Variants in CACNA1E observed in about 807,000 individuals in gnomAD.
CACNA1E encodes the protein calcium voltage-gated channel subunit alpha1 E.
Under a neutral mutation model 259.2 loss-of-function variants are expected in CACNA1E, and 40 were observed. That is an observed-to-expected ratio of 0.15 (90% CI 0.12 to 0.20). The LOEUF is 0.20. Among genes scored for constraint, CACNA1E ranks in the 10% least tolerant of loss-of-function variants. The pLI is 1.00. For missense variants in CACNA1E, 1,874 were observed against 3,040.1 expected (o/e 0.62, Z 9.02); for synonymous variants, 1,104 against 1,138.5 (o/e 0.97, Z 0.61).
intron 3 of CACNA1E, among the ~76,000 whole-genome samples, chr1:181,558,166 C>G (rs867294364): frequency 8.5e-5 from 13 of 152,306 alleles, no homozygotes; most frequent in Non-Finnish European, 1.8e-4. Context: ...GAGAGGGTTA[C>G]TTTGTGTAGC....
chr1:181,528,102 G>C (rs538257753), intron 3 of CACNA1E, among the ~76,000 whole-genome samples: 36 of 149,332 alleles, frequency 2.4e-4, no homozygotes, highest in Non-Finnish European at 4.6e-4. Flanking sequence ...ATCTCAACTT[G>C]TTGTATCTCC....
intron 7 of CACNA1E, among the ~76,000 whole-genome samples, chr1:181,659,008 G>A (rs550817579): frequency 3.0e-4 from 46 of 152,090 alleles, no homozygotes; most frequent in African/African-American, 9.6e-4. Context: ...TCCTTAGAGT[G>A]GGGGTTTAGT....
intron 6 of CACNA1E, among the ~76,000 whole-genome samples, chr1:181,645,684 C>T (rs970494011): frequency 1.3e-5 from 2 of 152,182 alleles, no homozygotes; most frequent in Non-Finnish European, 2.9e-5. Context: ...TGACCACACT[C>T]CAGAGTTAAA....
intron 6 of CACNA1E, among the ~76,000 whole-genome samples, chr1:181,623,705 G>A (rs1295458274): frequency 6.6e-6 from 1 of 152,146 alleles, no homozygotes; most frequent in East Asian, 1.9e-4. Flanking sequence ...TATTAAGTGT[G>A]CAATAACATC....
At chr1:181,333,125 T>C (rs1651414020) in intron 1 of CACNA1E, among the ~76,000 whole-genome samples, 1 of 152,120 alleles carries the variant, frequency 6.6e-6, no homozygotes, top group African/African-American at 2.4e-5. Context: ...TCATCAGCTG[T>C]GGGCCCAGAC....
intron 2 of CACNA1E, among the ~76,000 whole-genome samples, chr1:181,463,860 A>C (rs1661976047): frequency 6.6e-6 from 1 of 152,050 alleles, no homozygotes; most frequent in African/African-American, 2.4e-5. Flanking sequence ...TCTCTCATTA[A>C]AAAATTCCTT....
chr1:181,328,621 A>G (rs1052595744), intron 1 of CACNA1E, among the ~76,000 whole-genome samples: 1 of 152,222 alleles, frequency 6.6e-6, no homozygotes, highest in Non-Finnish European at 1.5e-5. Flanking sequence ...AGAAGTAGCC[A>G]CCAAGATGGG....
At chr1:181,545,940 C>T (rs571994345) in intron 3 of CACNA1E, among the ~76,000 whole-genome samples, 2 of 152,130 alleles carry the variant, frequency 1.3e-5, no homozygotes, top group East Asian at 1.9e-4. Flanking sequence ...TGGAGCATCA[C>T]GTGTGCCTCT....
intron 1 of CACNA1E, among the ~76,000 whole-genome samples, chr1:181,376,156 A>C (rs946865279): frequency 6.6e-6 from 1 of 152,210 alleles, no homozygotes; most frequent in South Asian, 2.1e-4. Context: ...CTGTAGGAAG[A>C]ATTCATGGTA....
intron 1 of CACNA1E, among the ~76,000 whole-genome samples, chr1:181,502,178 G>T (rs552192891): frequency 1.1e-4 from 16 of 152,100 alleles, no homozygotes; most frequent in African/African-American, 3.9e-4. Flanking sequence ...AAACACAGGG[G>T]TTTAGCCCTC....
rs533338702 is a variant in CACNA1E at position 181,609,139 on chromosome 1, C to T, written c.951+28363C>T. ...CAGGGCTACCTCCCGCCAGTCTCTA[C>T]CTTTGTTGTAATGCCAATTCTTATT... On this transcript the variant is annotated intron_variant, in intron 6 of 47. Coordinates refer to ENST00000367573, the MANE Select transcript of CACNA1E (RefSeq NM_001205293.3). Among the ~76,000 whole-genome samples, 5 of 152,358 alleles carry T rather than the reference C, an allele frequency of 3.3e-5. No individual in the cohort carries two copies. In the South Asian group the frequency reaches 6.2e-4, roughly 19 times the overall value.
intron 2 of CACNA1E, among the ~76,000 whole-genome samples, chr1:181,452,388 G>A (rs1274722740): frequency 6.6e-6 from 1 of 152,208 alleles, no homozygotes; most frequent in Non-Finnish European, 1.5e-5. Flanking sequence ...AATAAGTTAT[G>A]GAGCCAGTCT....
At chr1:181,696,710 C>T (rs1474560579) in intron 7 of CACNA1E, among the ~76,000 whole-genome samples, 1 of 152,058 alleles carries the variant, frequency 6.6e-6, no homozygotes, top group Non-Finnish European at 1.5e-5. Flanking sequence ...CGTGTATGCA[C>T]AGATAATGTT....
intron 6 of CACNA1E, among the ~76,000 whole-genome samples, chr1:181,582,167 C>T (rs1651604969): frequency 6.6e-6 from 1 of 152,236 alleles, no homozygotes; most frequent in African/African-American, 2.4e-5. Flanking sequence ...AAAAGAGTCA[C>T]TGGCTATTAT....
intron 3 of CACNA1E, among the ~76,000 whole-genome samples, chr1:181,554,196 A>G (rs1379855780): frequency 2.0e-5 from 3 of 152,054 alleles, no homozygotes; most frequent in Non-Finnish European, 2.9e-5. Flanking sequence ...TATTTCTTGT[A>G]TAGATGAGGT....
chr1:181,636,600 C>T (rs865958448), intron 6 of CACNA1E, among the ~76,000 whole-genome samples: 6 of 152,252 alleles, frequency 3.9e-5, no homozygotes, highest in Admixed American at 2.0e-4. Context: ...CTCCTTGGAG[C>T]ACCAGTCAGA....
At chr1:181,510,663 C>T in intron 2 of CACNA1E, 81 bp downstream of exon 2, 2 of 872,668 alleles carry the variant, frequency 2.3e-6, no homozygotes, top group South Asian at 2.8e-5. Flanking sequence ...CTCTCCCATT[C>T]CCTTCCTGCC....
intron 2 of CACNA1E, among the ~76,000 whole-genome samples, chr1:181,427,960 T>C (rs958287902): frequency 6.6e-6 from 1 of 152,096 alleles, no homozygotes; most frequent in African/African-American, 2.4e-5. Context: ...CGCTGCAGAG[T>C]ATTCCTCAGC....
chr1:181,524,065 A>G (rs958113143), intron 3 of CACNA1E, among the ~76,000 whole-genome samples: 1 of 152,182 alleles, frequency 6.6e-6, no homozygotes, highest in Non-Finnish European at 1.5e-5. Flanking sequence ...TCTCTTTGCC[A>G]GTGAGGCCCC....
Sources: allele counts gnomAD v4.1 joint callset (sites outside exome capture counted in the v4.1 genomes callset), GRCh38; gene constraint gnomAD v4.1.1; transcripts MANE v1.5; gene names NCBI Gene and HGNC (gene_info 2026-07-23, HGNC 2026-07-21).